The following ANO6 variants were observed in gnomAD, a reference collection of about 807,000 sequenced individuals.
The protein encoded by ANO6 is anoctamin 6, also known as anoctamin-6.
Under a neutral mutation model 117.5 loss-of-function variants are expected in ANO6, and 106 were observed. That is an observed-to-expected ratio of 0.90 (90% CI 0.77 to 1.06). ANO6 has a LOEUF of 1.06. Among genes scored for constraint, ANO6 ranks in the 50% least tolerant of loss-of-function variants. The pLI, the probability that ANO6 is intolerant of heterozygous loss-of-function variation, is 0.00. For missense variants in ANO6, 955 were observed against 1,121.1 expected, an observed-to-expected ratio of 0.85 and a Z score of 2.12; for synonymous variants, 367 against 385.1, an observed-to-expected ratio of 0.95 and a Z score of 0.55.
At chr12:45,358,025 A>C (rs952930069) in intron 8 of ANO6, among the ~76,000 whole-genome samples, 1 of 152,258 alleles carries the variant, frequency 6.6e-6, no homozygotes, top group Non-Finnish European at 1.5e-5. Context: ...TGTGGGTGCC[A>C]GAGCACTCTA....
chr12:45,429,924 T>G lies in ANO6; in HGVS notation c.*613T>G. 1.0e-6 allele frequency: 1 copy of G among 989,244 alleles called. No homozygotes were observed. The highest frequency in any genetic ancestry group is 1.2e-6 in the Non-Finnish European group (1 of 832,424). 61.3% of individuals were successfully genotyped at this position (989,244 alleles called of 1,614,324 possible). A position where few individuals can be genotyped will look rare whatever the true frequency, so the allele number is the denominator to read the frequency against. On this transcript the variant is annotated 3_prime_UTR_variant, in exon 20 of 20. Transcript: ENST00000320560. Reference sequence around the variant, plus strand: ...GTCTTTCCATCTCAAAAAAATACTCTTAGTAGGTTGGAGTGAAGATAGCAA... The same window carrying G: ...GTCTTTCCATCTCAAAAAAATACTCGTAGTAGGTTGGAGTGAAGATAGCAA...
chr12:45,267,822 A>G (rs777233525), intron 1 of ANO6, among the ~76,000 whole-genome samples: 1 of 152,146 alleles, frequency 6.6e-6, no homozygotes, highest in African/African-American at 2.4e-5. Context: ...GTTGTAAATT[A>G]TGTATGAAGA....
At chr12:45,252,015 C>T (rs186787931) in intron 1 of ANO6, among the ~76,000 whole-genome samples, 22 of 152,302 alleles carry the variant, frequency 1.4e-4, no homozygotes, top group African/African-American at 5.3e-4. Context: ...TCAATCACTT[C>T]TTAGGCTTTA....
At chr12:45,356,871 C>T (rs1261933765) in intron 7 of ANO6, among the ~76,000 whole-genome samples, 3 of 152,160 alleles carry the variant, frequency 2.0e-5, no homozygotes, top group Admixed American at 1.3e-4. Flanking sequence ...ACATTTTCTC[C>T]AAGGAACTTC....
At chr12:45,288,786 C>T (rs560239494) in intron 1 of ANO6, among the ~76,000 whole-genome samples, 2 of 152,212 alleles carry the variant, frequency 1.3e-5, no homozygotes, top group South Asian at 2.1e-4. Flanking sequence ...CTCACTCTGT[C>T]GCCCAGGCTG....
chr12:45,274,306 A>C (rs1452434162), intron 1 of ANO6, among the ~76,000 whole-genome samples: 1 of 152,162 alleles, frequency 6.6e-6, no homozygotes, highest in Non-Finnish European at 1.5e-5. Flanking sequence ...TTAGTAGATG[A>C]GTTGAACTTA....
chr12:45,261,357 T>C (rs1938027028), intron 1 of ANO6, among the ~76,000 whole-genome samples: 1 of 152,102 alleles, frequency 6.6e-6, no homozygotes, highest in South Asian at 2.1e-4. Flanking sequence ...CTTGCTATCC[T>C]GGATTGGACA....
At chr12:45,412,167 A>T (rs930344939) in intron 16 of ANO6, among the ~76,000 whole-genome samples, 10 of 152,240 alleles carry the variant, frequency 6.6e-5, no homozygotes, top group Admixed American at 5.2e-4. Context: ...AAGTACACAG[A>T]CACAGAACAT....
intron 1 of ANO6, among the ~76,000 whole-genome samples, chr12:45,218,489 G>A (rs1947350190): frequency 6.7e-6 from 1 of 150,354 alleles, no homozygotes; most frequent in Non-Finnish European, 1.5e-5. Context: ...CGACCTACGG[G>A]GCTCAAGCGA....
intron 2 of ANO6, among the ~76,000 whole-genome samples, chr12:45,322,138 T>G (rs775568576): frequency 5.3e-5 from 8 of 152,088 alleles, no homozygotes; most frequent in Non-Finnish European, 8.8e-5. Context: ...GGTTTTGATC[T>G]TGCAGGTTCC....
At chr12:45,250,565 T>C (rs1947886271) in intron 1 of ANO6, among the ~76,000 whole-genome samples, 1 of 151,742 alleles carries the variant, frequency 6.6e-6, no homozygotes, top group African/African-American at 2.4e-5. Context: ...GCTAATTAAA[T>C]TTTTTTGTTG....
chr12:45,350,203 C>T (rs1471648727), intron 6 of ANO6, among the ~76,000 whole-genome samples: 2 of 152,186 alleles, frequency 1.3e-5, no homozygotes, highest in Non-Finnish European at 2.9e-5. Context: ...AGAATAACTG[C>T]TGAACTGGGG....
At chr12:45,410,330 T>C (rs1271244555) in intron 16 of ANO6, among the ~76,000 whole-genome samples, 1 of 152,224 alleles carries the variant, frequency 6.6e-6, no homozygotes, top group Non-Finnish European at 1.5e-5. Flanking sequence ...AGTGACTTCA[T>C]GGCTCATAAC....
chr12:45,224,338 TG>T (rs1947449313), intron 1 of ANO6, among the ~76,000 whole-genome samples: 1 of 152,182 alleles, frequency 6.6e-6, no homozygotes, highest in Non-Finnish European at 1.5e-5. Flanking sequence ...TGATACACCC[TG>T]GCCTTATTCA....
chr12:45,345,709 G>T (rs907510568), intron 3 of ANO6, among the ~76,000 whole-genome samples: 1 of 152,168 alleles, frequency 6.6e-6, no homozygotes, highest in Non-Finnish European at 1.5e-5. Flanking sequence ...ATGAGGCATG[G>T]AGAGTTTAAT....
chr12:45,278,155 C>G (rs1366347259), intron 1 of ANO6, among the ~76,000 whole-genome samples: 2 of 152,132 alleles, frequency 1.3e-5, no homozygotes, highest in South Asian at 4.1e-4. Context: ...CAGGGTCTCT[C>G]TGTGTTGCCC....
chr12:45,379,154 A>T (rs1244208752), intron 10 of ANO6, among the ~76,000 whole-genome samples: 22 of 152,194 alleles, frequency 1.4e-4, no homozygotes, highest in African/African-American at 4.8e-4. Context: ...CAGAGGAAAA[A>T]ACTGAACCAA....
Position 45,403,544 on chromosome 12 carries a change from T to C in ANO6, c.1880+8T>C. 2 of 1,599,744 alleles carry C rather than the reference T, an allele frequency of 1.3e-6. No homozygotes were observed. Among genetic ancestry groups the C allele is most frequent in the Non-Finnish European group, 1.7e-6 (2 of 1,167,310 alleles). ...ACAAGAAGTATTATTGCCGTGAGTG[T>C]TAAATTGTATAGCCATGGGTAAAAG... On this transcript the variant is annotated splice_region_variant and intron_variant, in intron 15 of 19. Coordinates refer to ENST00000320560, the MANE Select transcript of ANO6 (RefSeq NM_001025356.3).
At position 45,216,765 on chromosome 12, in the gene ANO6, G is replaced by A. The variant is rs540886421; in HGVS notation, c.70+374G>A. Among the ~76,000 whole-genome samples the A allele has an allele frequency of 3.3e-5, 5 of 152,368 alleles. No individual in the cohort carries two copies. The South Asian group carries it at 1.0e-3, about 32-fold the overall frequency. ...GTTGCCCAGGAGCCTCGGCACTGGG[G>A]CGAGCCCCCTGGGCGGGGTCCGGGG... is the stretch of plus-strand genomic sequence containing the variant. On this transcript the variant is annotated intron_variant, in intron 1 of 19. Coordinates refer to ENST00000320560, the MANE Select transcript of ANO6 (RefSeq NM_001025356.3).
Sources: gnomAD v4.1 joint callset for allele counts (sites outside exome capture counted in the v4.1 genomes callset) on GRCh38, gnomAD v4.1.1 for gene constraint, MANE v1.5 for transcripts, NCBI Gene and HGNC (gene_info 2026-07-23, HGNC 2026-07-21) for gene names.